The following PGRMC1 variants were observed in gnomAD, a reference collection of about 807,000 sequenced individuals.
The protein encoded by PGRMC1 is progesterone receptor membrane component 1.
For synonymous variants in PGRMC1, 73 were observed against 77.3 expected (o/e 0.94, Z 0.29); for missense variants, 145 against 169.0 (o/e 0.86, Z 0.79).
At chrX:119,241,118 T>A (rs780357709) in intron 2 of PGRMC1, among the ~76,000 whole-genome samples, 27 of 112,411 alleles carry the variant, frequency 2.4e-4, no homozygotes, top group Non-Finnish European at 4.7e-4. Flanking sequence ...TAATTGTCAC[T>A]CTAGCAATAT....
Position 119,236,319 on chromosome X carries a change from T to C in PGRMC1, c.-45T>C, listed in dbSNP as rs762114547. ...CTCAGAGGGAGGAGAAAGTGGCGAG[T>C]TCCGGATCCCTGCCTAGCGCGGCCC... On this transcript the variant is annotated 5_prime_UTR_variant, in exon 1 of 3. Transcript: ENST00000217971. 7.0e-6 allele frequency: 8 copies of C among 1,134,950 alleles called. No homozygotes were observed. 93.5% of individuals were successfully genotyped at this position (1,134,950 alleles called of 1,213,427 possible). A position where few individuals can be genotyped will look rare whatever the true frequency, so the allele number is the denominator to read the frequency against.
At chrX:119,241,776 G>A (rs760943549) in intron 2 of PGRMC1, among the ~76,000 whole-genome samples, 1 of 111,903 alleles carries the variant, frequency 8.9e-6, no homozygotes, top group East Asian at 2.8e-4. Flanking sequence ...AGACAGGTTG[G>A]TTACTCCTCT....
chrX:119,239,781 T>C (rs1930776272), intron 1 of PGRMC1, among the ~76,000 whole-genome samples: 1 of 112,357 alleles, frequency 8.9e-6, no homozygotes. Context: ...AAATGGTTCT[T>C]CTGCAGATGC....
chrX:119,236,523 A>G lies in PGRMC1; in HGVS notation c.160A>G (p.Ser54Gly). The stretch of plus-strand genomic sequence containing the variant: ...CGTGCGCGGGGACCAGCCGGCGGCC[A>G]GCGGCGACAGCGACGACGACGAGCC... ...KIVRGDQPAASGDSDDDEPPP... is the reference protein window; with the variant it reads ...KIVRGDQPAAGGDSDDDEPPP... Residue 54 changes from serine to glycine, a missense_variant, in exon 1 of 3, where the codon AGC becomes GGC. Physicochemically the swap from Ser to Gly is moderately conservative, Grantham distance 56. Coordinates refer to ENST00000217971, the MANE Select transcript of PGRMC1 (RefSeq NM_006667.5). The G allele has an allele frequency of 8.3e-7, 1 of 1,209,674 alleles. No homozygotes were observed. Among genetic ancestry groups the G allele is most frequent in the Admixed American group, 2.2e-5 (1 of 46,023 alleles).
At chrX:119,241,351 GTC>G (rs1407145127) in intron 2 of PGRMC1, among the ~76,000 whole-genome samples, 1 of 112,139 alleles carries the variant, frequency 8.9e-6, no homozygotes, top group Admixed American at 9.4e-5. Flanking sequence ...AGCCAGATGT[GTC>G]TCTGCCTTTG....
intron 2 of PGRMC1, 38 bp from the exon 3 acceptor site, chrX:119,243,113 A>C: frequency 1.2e-6 from 1 of 842,455 alleles, no homozygotes; most frequent in Non-Finnish European, 1.8e-6. Flanking sequence ...TTTAGAAAGA[A>C]TGAGAATGAC....
chrX:119,242,556 T>C (rs180840483), intron 2 of PGRMC1, among the ~76,000 whole-genome samples: 2 of 111,355 alleles, frequency 1.8e-5, no homozygotes, highest in African/African-American at 6.5e-5. Flanking sequence ...ACTGTGTCAT[T>C]CCTTCGCTTA....
chrX:119,241,843 G>A (rs1483592394), intron 2 of PGRMC1, among the ~76,000 whole-genome samples: 18 of 112,097 alleles, frequency 1.6e-4, no homozygotes, highest in Non-Finnish European at 1.9e-5. Context: ...TCAGATGATC[G>A]ACCCTGCATT....
chrX:119,240,891 T>A (rs1246935315), intron 2 of PGRMC1, among the ~76,000 whole-genome samples: 6 of 112,094 alleles, frequency 5.4e-5, no homozygotes, highest in African/African-American at 1.9e-4. Context: ...ACAGCTTCTC[T>A]TTGAATCTAA....
chrX:119,238,934 T>C (rs1278752741), intron 1 of PGRMC1, among the ~76,000 whole-genome samples: 1 of 112,778 alleles, frequency 8.9e-6, no homozygotes, highest in Non-Finnish European at 1.9e-5. Flanking sequence ...TACGTTCTAG[T>C]GAATATATGT....
At chrX:119,238,254 T>G (rs999604655) in intron 1 of PGRMC1, among the ~76,000 whole-genome samples, 1 of 111,547 alleles carries the variant, frequency 9.0e-6, no homozygotes, top group Non-Finnish European at 1.9e-5. Flanking sequence ...GTCTCCCTCC[T>G]GTGTTGCCCA....
intron 1 of PGRMC1, among the ~76,000 whole-genome samples, 177 bp from the exon 2 acceptor site, chrX:119,240,132 G>T (rs917458569): frequency 1.8e-5 from 2 of 112,493 alleles, no homozygotes; most frequent in Non-Finnish European, 3.8e-5. Flanking sequence ...AATGACAACA[G>T]GTCTTTCTGT....
chrX:119,238,373 C>A (rs986258913), intron 1 of PGRMC1, among the ~76,000 whole-genome samples: 2 of 111,937 alleles, frequency 1.8e-5, no homozygotes, highest in Non-Finnish European at 3.8e-5. Context: ...TTTTAGAATA[C>A]CTGCTTTCTA....
At chrX:119,239,180 G>C (rs1412056375) in intron 1 of PGRMC1, among the ~76,000 whole-genome samples, 5 of 111,847 alleles carry the variant, frequency 4.5e-5, no homozygotes, top group African/African-American at 1.6e-4. Context: ...TTTCCACTAG[G>C]GGTGTACATT....
intron 1 of PGRMC1, among the ~76,000 whole-genome samples, chrX:119,237,660 G>C (rs1052079953): frequency 9.0e-6 from 1 of 110,948 alleles, no homozygotes; most frequent in African/African-American, 3.3e-5. Flanking sequence ...AGAAACAAAA[G>C]GAGTAGAGCT....
chrX:119,243,394 G>A lies in PGRMC1; in HGVS notation c.*140G>A, dbSNP rs1930866215. 1 of 486,679 alleles carries A rather than the reference G, an allele frequency of 2.1e-6. No individual in the cohort carries two copies. Among genetic ancestry groups the A allele is most frequent in the Admixed American group, 3.0e-5 (1 of 32,903 alleles). The allele number at this position is 486,679 out of a possible 1,213,427, so 40.1% of individuals were successfully genotyped here. A position where few individuals can be genotyped will look rare whatever the true frequency, so the allele number is the denominator to read the frequency against. ...AAGTTTTTTAATTAACATCACTAGTGACACTAATAAAATTAACTTCTTAGA... is the reference window on the plus strand; with the variant it reads ...AAGTTTTTTAATTAACATCACTAGTAACACTAATAAAATTAACTTCTTAGA... On this transcript the variant is annotated 3_prime_UTR_variant, in exon 3 of 3. Transcript: ENST00000217971.
chrX:119,240,603 T>C (rs1930796082), intron 2 of PGRMC1, 139 bp downstream of exon 2: 2 of 494,499 alleles, frequency 4.0e-6, no homozygotes, highest in Non-Finnish European at 3.5e-6. Flanking sequence ...ATCAAGTTCA[T>C]GGCTTGAAGT....
chrX:119,241,583 AT>A (rs1249807806), intron 2 of PGRMC1, among the ~76,000 whole-genome samples: 6 of 109,416 alleles, frequency 5.5e-5, no homozygotes, highest in African/African-American at 1.0e-4. Context: ...AAAAAGTGTG[AT>A]TTTTTTTTTC....
Position 119,240,358 on chromosome X carries a change from C to T in PGRMC1, c.378C>T (p.Ala126=). 1.7e-6 allele frequency: 2 copies of T among 1,209,616 alleles called. No individual in the cohort carries two copies. The highest frequency in any genetic ancestry group is 2.2e-6 in the Non-Finnish European group (2 of 893,727). ...FAGRDASRGL[A]TFCLDKEALK... ...GAAGAGATGCATCCAGGGGCCTTGC[C>T]ACATTTTGCCTGGATAAGGAAGCAC... The change falls in exon 2 of 3, where the codon GCC becomes GCT. Residue 126 remains alanine, a synonymous_variant. Coordinates refer to ENST00000217971, the MANE Select transcript of PGRMC1 (RefSeq NM_006667.5).
Sources: allele counts gnomAD v4.1 joint callset (sites outside exome capture counted in the v4.1 genomes callset), GRCh38; gene constraint gnomAD v4.1.1; transcripts MANE v1.5; gene names NCBI Gene and HGNC (gene_info 2026-07-23, HGNC 2026-07-21).